Variants in THTPA observed in about 807,000 individuals in gnomAD.
THTPA encodes thiamine-triphosphatase.
Under a neutral mutation model 16.5 loss-of-function variants are expected in THTPA, and 16 were observed. That is an observed-to-expected ratio of 0.97 (90% CI 0.66 to 1.47). The LOEUF is 1.47. Ranked by LOEUF, THTPA falls within the 40% of genes most tolerant of loss-of-function variation. The pLI is 0.00. For synonymous variants in THTPA, 110 were observed against 115.5 expected (o/e 0.95, Z 0.30); for missense variants, 281 against 280.9 (o/e 1.00, Z 0.00).
At chr14:23,521,994 T>C in the THTPA span, 3 of 1,536,350 alleles carry the variant, frequency 2.0e-6, no homozygotes, top group South Asian at 2.4e-5. Context: ...GTAGTCGTAG[T>C]TTTTGGGTTG....
At chr14:23,557,348 T>C (rs760295792) in intron 1 of THTPA, 44 bp downstream of exon 1, 25 of 1,511,082 alleles carry the variant, frequency 1.7e-5, no homozygotes, top group Non-Finnish European at 2.2e-5. Context: ...CTCCCCACTT[T>C]TCTCTTTTGG....
chr14:23,531,425 C>T, the THTPA span: 6 of 1,353,366 alleles, frequency 4.4e-6, no homozygotes, highest in South Asian at 1.9e-5. Flanking sequence ...CCCCTGCTCC[C>T]CACATCCTGC....
At chr14:23,530,534 T>C in the THTPA span, 1 of 506,528 alleles carries the variant, frequency 2.0e-6, no homozygotes, top group South Asian at 1.7e-5. Flanking sequence ...AGAAATGTAG[T>C]AGGAGGGGCA....
the THTPA span, chr14:23,522,808 T>A: frequency 6.5e-7 from 1 of 1,536,092 alleles, no homozygotes; most frequent in Non-Finnish European, 8.7e-7. Flanking sequence ...CAGTGGTGCC[T>A]GCTGTGGAGG....
the THTPA span, chr14:23,528,858 G>T: frequency 5.3e-5 from 52 of 984,366 alleles, no homozygotes; most frequent in Non-Finnish European, 6.0e-5. Flanking sequence ...TACCCAGCCT[G>T]CATCCAGGCT....
chr14:23,530,353 C>A, the THTPA span: 1 of 706,720 alleles, frequency 1.4e-6, no homozygotes, highest in South Asian at 1.5e-5. Context: ...AAAAGAAACA[C>A]CCACACAGAA....
the THTPA span, chr14:23,522,139 C>T: frequency 1.3e-6 from 2 of 1,524,466 alleles, no homozygotes; most frequent in Non-Finnish European, 1.8e-6. Flanking sequence ...CCGAGGAGCG[C>T]AGGTGGGAGG....
chr14:23,530,837 C>T, the THTPA span: 26 of 232,660 alleles, frequency 1.1e-4, no homozygotes, highest in African/African-American at 5.0e-4. Context: ...CCCATGCCCT[C>T]GCCCTTGCCC....
chr14:23,522,430 C>A, the THTPA span: 1 of 1,536,466 alleles, frequency 6.5e-7, no homozygotes, highest in Non-Finnish European at 8.7e-7. Context: ...GTTCAGGAGG[C>A]TTTGGAGGTG....
chr14:23,521,637 AG>A, the THTPA span: 1 of 284,344 alleles, frequency 3.5e-6, no homozygotes, highest in Non-Finnish European at 6.6e-6. Context: ...GATAGAACCA[AG>A]GATATATTTT....
At chr14:23,550,917 G>T in the THTPA span, among the ~76,000 whole-genome samples, 5 of 151,804 alleles carry the variant, frequency 3.3e-5, no homozygotes, top group Non-Finnish European at 7.4e-5. Context: ...CGAGACCCAG[G>T]ACCCTCCAGG....
the THTPA span, chr14:23,526,229 G>A: frequency 2.0e-6 from 3 of 1,536,228 alleles, no homozygotes; most frequent in Non-Finnish European, 2.6e-6. Flanking sequence ...AGTGGTGGTG[G>A]GTGGGGCACC....
At chr14:23,552,670 C>T (rs376820341), upstream of THTPA, among the ~76,000 whole-genome samples, 15 of 151,972 alleles carry the variant, frequency 9.9e-5, no homozygotes, top group Admixed American at 4.6e-4. Context: ...GGCATGATCC[C>T]GGCTCACTGC....
At chr14:23,525,224 C>T in the THTPA span, 1 of 1,536,112 alleles carries the variant, frequency 6.5e-7, no homozygotes, top group South Asian at 1.2e-5. This position sits in a 1 kb window ranked among gnomAD's most constrained non-coding sequence, Gnocchi z 5.9. Context: ...GGGCCAGTGT[C>T]CCCCTGCTCG....
chr14:23,557,481 C>T (rs1882550506), intron 1 of THTPA, among the ~76,000 whole-genome samples, 177 bp downstream of exon 1: 2 of 152,174 alleles, frequency 1.3e-5, no homozygotes. Context: ...AGCAATTTGC[C>T]TGCCTCGGCC....
At chr14:23,535,231 G>C in the THTPA span, 1 of 1,522,412 alleles carries the variant, frequency 6.6e-7, no homozygotes, top group East Asian at 2.5e-5. The surrounding 1 kb of genome is among the most constrained non-coding windows in gnomAD (Gnocchi z 4.5). Context: ...ATCAGAGGGG[G>C]TGCTGGAGGA....
Position 23,559,663 on chromosome 14 carries a change from TG to T in THTPA, c.*825del. The T allele has an allele frequency of 1.6e-6, 2 of 1,227,282 alleles. No individual in the cohort carries two copies. The highest frequency in any genetic ancestry group is 2.4e-6 in the Non-Finnish European group (2 of 845,796). The allele number at this position is 1,227,282 out of a possible 1,614,324, so 76.0% of individuals were successfully genotyped here. Reference sequence around the variant, plus strand: ...AGTGCAAAGCCAGAGCGCCACCTGCTGGTAGCCCTCAGGTGTAGGTTCGAAG... The same window carrying T: ...AGTGCAAAGCCAGAGCGCCACCTGCTGTAGCCCTCAGGTGTAGGTTCGAAG... On this transcript the variant is annotated 3_prime_UTR_variant, in exon 2 of 2. Transcript: ENST00000288014.
At position 23,559,985 on chromosome 14, in the gene THTPA, C is replaced by T. The variant is rs766477765; in HGVS notation, c.*1145C>T. On this transcript the variant is annotated 3_prime_UTR_variant, in exon 2 of 2. Transcript: ENST00000288014. ...AAGAGCTGGGTGATAGGAAGGCCAC[C>T]CCGAGCTGGAACTGTGTTCCCACTG... is the stretch of plus-strand genomic sequence containing the variant. The T allele has an allele frequency of 5.0e-6, 8 of 1,613,224 alleles. No individual in the cohort carries two copies. Among genetic ancestry groups the T allele is most frequent in the Middle Eastern group, 1.7e-4 (1 of 5,978 alleles).
the THTPA span, chr14:23,528,800 A>T: frequency 1.0e-6 from 1 of 985,402 alleles, no homozygotes. Context: ...CCACACTTCC[A>T]GAGGGGTGAG....
Sources: gnomAD v4.1 joint callset for allele counts (sites outside exome capture counted in the v4.1 genomes callset) on GRCh38, gnomAD v4.1.1 for gene constraint, Gnocchi (gnomAD v3.1) non-coding constraint, MANE v1.5 for transcripts, NCBI Gene and HGNC (gene_info 2026-07-23, HGNC 2026-07-21) for gene names.